Variants in BRD10 observed in about 807,000 individuals in gnomAD.
BRD10 encodes bromodomain containing 10.
At chr9:6,004,623 G>A in the BRD10 span, among the ~76,000 whole-genome samples, 11 of 152,056 alleles carry the variant, frequency 7.2e-5, no homozygotes, top group African/African-American at 2.4e-4. Flanking sequence ...AGAAGTCAAC[G>A]GAAAATTCAA....
chr9:5,961,713 T>C, the BRD10 span, among the ~76,000 whole-genome samples: 4 of 152,264 alleles, frequency 2.6e-5, no homozygotes, highest in African/African-American at 7.2e-5. Flanking sequence ...TTTCCAATAG[T>C]AAGGAACAGG....
At chr9:5,961,686 CTATT>C in the BRD10 span, among the ~76,000 whole-genome samples, 4 of 152,092 alleles carry the variant, frequency 2.6e-5, no homozygotes, top group Non-Finnish European at 5.9e-5. Flanking sequence ...CCACTGTCTT[CTATT>C]TATTCTATAA....
At chr9:5,988,603 C>T in the BRD10 span, 10 of 1,251,460 alleles carry the variant, frequency 8.0e-6, no homozygotes, top group Non-Finnish European at 1.1e-5. Context: ...CAATAAACCC[C>T]CTTAGCCAGC....
chr9:5,929,852 C>T, the BRD10 span, among the ~76,000 whole-genome samples: 1 of 152,034 alleles, frequency 6.6e-6, no homozygotes, highest in African/African-American at 2.4e-5. Flanking sequence ...AAATAAGGCT[C>T]ATAGAGATTA....
At chr9:5,948,721 G>C in the BRD10 span, among the ~76,000 whole-genome samples, 1 of 151,980 alleles carries the variant, frequency 6.6e-6, no homozygotes, top group African/African-American at 2.4e-5. Flanking sequence ...ATGTAGAAAA[G>C]TAAAAATGAA....
chr9:5,928,772 C>T, the BRD10 span, among the ~76,000 whole-genome samples: 2 of 152,148 alleles, frequency 1.3e-5, no homozygotes, highest in African/African-American at 4.8e-5. Context: ...AACCCCCTTA[C>T]CTTGCTTTAT....
At chr9:5,980,133 A>T in the BRD10 span, among the ~76,000 whole-genome samples, 1 of 152,222 alleles carries the variant, frequency 6.6e-6, no homozygotes, top group East Asian at 1.9e-4. Flanking sequence ...TTAGGTCATC[A>T]TTATAAACAG....
the BRD10 span, chr9:5,919,541 A>AAAACACACAC: frequency 3.3e-5 from 4 of 120,640 alleles, no homozygotes; most frequent in Non-Finnish European, 4.9e-5. Context: ...AAGATACATT[A>AAAACACACAC]AAACACACAC....
the BRD10 span, among the ~76,000 whole-genome samples, chr9:5,983,483 A>C: frequency 6.6e-6 from 1 of 152,216 alleles, no homozygotes; most frequent in South Asian, 2.1e-4. Context: ...AAACAACAGA[A>C]AGACTTAGAA....
the BRD10 span, among the ~76,000 whole-genome samples, chr9:5,953,818 T>C: frequency 6.6e-6 from 1 of 151,980 alleles, no homozygotes; most frequent in African/African-American, 2.4e-5. Flanking sequence ...AAGACAAAAA[T>C]AGAGGTAAAA....
the BRD10 span, among the ~76,000 whole-genome samples, chr9:5,975,548 T>C: frequency 6.7e-6 from 1 of 149,388 alleles, no homozygotes; most frequent in Non-Finnish European, 1.5e-5. Context: ...ACATGAGAGA[T>C]ATAAAGAAGA....
At chr9:5,942,477 A>G in the BRD10 span, among the ~76,000 whole-genome samples, 1 of 152,354 alleles carries the variant, frequency 6.6e-6, no homozygotes, top group East Asian at 1.9e-4. Flanking sequence ...CAATAAAGTT[A>G]ATTCCTAGAA....
chr9:5,983,962 TACAC>T, the BRD10 span, among the ~76,000 whole-genome samples: 7,808 of 129,660 alleles, frequency 0.06, 216 homozygotes, highest in African/African-American at 0.087. Context: ...GTATATGCAT[TACAC>T]ACACACACAC....
chr9:5,942,190 G>T, the BRD10 span, among the ~76,000 whole-genome samples: 1 of 151,968 alleles, frequency 6.6e-6, no homozygotes, highest in Non-Finnish European at 1.5e-5. Context: ...AATAGTGAAG[G>T]AAGGCTTCCT....
the BRD10 span, chr9:6,007,622 G>C: frequency 3.1e-6 from 5 of 1,603,700 alleles, no homozygotes; most frequent in Middle Eastern, 1.7e-4. Flanking sequence ...TCTTCCTCCT[G>C]ATCGTCCGCG....
At chr9:5,934,730 G>T in the BRD10 span, among the ~76,000 whole-genome samples, 1 of 152,074 alleles carries the variant, frequency 6.6e-6, no homozygotes, top group African/African-American at 2.4e-5. Context: ...CCTACAAAAA[G>T]AAGTCTTATT....
At chr9:5,944,284 G>A in the BRD10 span, among the ~76,000 whole-genome samples, 1 of 151,876 alleles carries the variant, frequency 6.6e-6, no homozygotes, top group African/African-American at 2.4e-5. Flanking sequence ...CAAGTATCAG[G>A]TGAATAAATA....
chr9:5,922,701 T>C, the BRD10 span: 1 of 1,613,982 alleles, frequency 6.2e-7, no homozygotes. Context: ...TGCTGCATGA[T>C]TTTTTCTCCT....
chr9:5,968,773 C>CT, the BRD10 span: 1 of 1,613,910 alleles, frequency 6.2e-7, no homozygotes, highest in Non-Finnish European at 8.5e-7. Flanking sequence ...GAAAGGGTCT[C>CT]TGTTTATAAA....
Sources: allele counts gnomAD v4.1 joint callset (sites outside exome capture counted in the v4.1 genomes callset), GRCh38; gene constraint gnomAD v4.1.1; transcripts MANE v1.5; gene names NCBI Gene and HGNC (gene_info 2026-07-23, HGNC 2026-07-21).